Variants in PUS10 observed in about 807,000 individuals in gnomAD.
The protein encoded by PUS10 is pseudouridine synthase 10.
A neutral mutation model predicts 75.0 loss-of-function variants in PUS10; 59 were observed. The ratio of observed to expected loss-of-function variants is 0.79; its 90% CI spans 0.64 to 0.98. The LOEUF (loss-of-function observed/expected upper bound fraction) is 0.98, where lower values mean the gene tolerates loss of function less well. PUS10 is among the 50% of genes least tolerant of loss of function. The probability of loss-of-function intolerance (pLI) is 0.00; values close to 1 mark genes in which losing one functional copy is unlikely to be tolerated. For synonymous variants in PUS10, 219 were observed against 211.6 expected (o/e 1.03, Z -0.30); for missense variants, 650 against 614.4 (o/e 1.06, Z -0.61).
rs1273910083 is a variant in PUS10 at position 60,955,195 on chromosome 2, A to T, written c.1001-121T>A. ...ACAATCTATAGGAGAATCCCCAGGG[A>T]GAGTCATCATCCCACCTCTAATGTC... On this transcript the variant is annotated intron_variant, in intron 11 of 17. Coordinates refer to ENST00000316752, the MANE Select transcript of PUS10 (RefSeq NM_144709.4). 1.2e-5 allele frequency: 6 copies of T among 509,016 alleles called. No individual in the cohort carries two copies. In the East Asian group the frequency reaches 1.9e-4, roughly 16 times the overall value. The allele number at this position is 509,016 out of a possible 1,614,324, so 31.5% of individuals were successfully genotyped here. A position where few individuals can be genotyped will look rare whatever the true frequency, so the allele number is the denominator to read the frequency against.
intron 17 of PUS10, among the ~76,000 whole-genome samples, chr2:60,943,302 T>G (rs1039713141): frequency 1.3e-5 from 2 of 152,172 alleles, no homozygotes; most frequent in Admixed American, 1.3e-4. Context: ...GTAGAATTTC[T>G]GTTTCTTTAA....
At chr2:60,944,220 T>C (rs142886138) in intron 17 of PUS10, 1 of 985,156 alleles carries the variant, frequency 1.0e-6, no homozygotes, top group African/African-American at 1.7e-5. Flanking sequence ...CCCTGCAACC[T>C]TGAGGGCACG....
intron 11 of PUS10, among the ~76,000 whole-genome samples, chr2:60,957,538 T>A (rs1281053364): frequency 6.6e-6 from 1 of 152,240 alleles, no homozygotes; most frequent in Non-Finnish European, 1.5e-5. Context: ...TTATCCCAGA[T>A]AATCGGCAGA....
chr2:60,989,789 T>G (rs1677962758), intron 4 of PUS10, among the ~76,000 whole-genome samples: 1 of 152,102 alleles, frequency 6.6e-6, no homozygotes, highest in Non-Finnish European at 1.5e-5. Context: ...CGGCTAATTT[T>G]TAAAAATATA....
chr2:60,962,670 G>C (rs1358044323), intron 9 of PUS10, among the ~76,000 whole-genome samples, 156 bp downstream of exon 9: 1 of 152,088 alleles, frequency 6.6e-6, no homozygotes, highest in African/African-American at 2.4e-5. Flanking sequence ...ACATATGCCA[G>C]GTACTGCACC....
rs768407891 is a variant in PUS10 at position 60,962,860 on chromosome 2, C to T, written c.754G>A (p.Ala252Thr). ...SVFTRMAVMK[A>T]LNKIKEEDFL... ...TCCTCTTCCTTTATCTTATTCAAGG[C>T]TTTCATAACTGCCATTCTAGTGAAT... is the stretch of plus-strand genomic sequence containing the variant. The change falls in exon 9 of 18, where the codon GCC becomes ACC. Residue 252 changes from alanine to threonine, a missense_variant. By Grantham distance (58) the Ala-to-Thr change is moderately conservative. Coordinates refer to ENST00000316752, the MANE Select transcript of PUS10 (RefSeq NM_144709.4). 2 of 1,570,608 alleles carry T rather than the reference C, an allele frequency of 1.3e-6. No homozygotes were observed. Among genetic ancestry groups the T allele is most frequent in the Non-Finnish European group, 1.7e-6 (2 of 1,164,652 alleles).
At chr2:60,994,384 C>CAAA (rs35312310) in intron 4 of PUS10, among the ~76,000 whole-genome samples, 1 of 136,382 alleles carries the variant, frequency 7.3e-6, no homozygotes. Context: ...TTCCTCAGAG[C>CAAA]AAAAAAAAAA....
chr2:61,011,204 T>C (rs182169457), intron 2 of PUS10, among the ~76,000 whole-genome samples: 58 of 152,302 alleles, frequency 3.8e-4, no homozygotes, highest in African/African-American at 1.3e-3. Context: ...ACATATCTTA[T>C]GCAAAAAAGT....
At chr2:61,014,994 A>T (rs1362789391) in intron 1 of PUS10, among the ~76,000 whole-genome samples, 1 of 152,200 alleles carries the variant, frequency 6.6e-6, no homozygotes, top group Non-Finnish European at 1.5e-5. Context: ...TACTAAAAAC[A>T]GATTGCCTCT....
At chr2:60,945,238 G>A (rs1674870929) in intron 16 of PUS10, 130 bp from the exon 17 acceptor site, 1 of 584,712 alleles carries the variant, frequency 1.7e-6, no homozygotes. Context: ...TCTGACTTGT[G>A]TGTCTTAAAA....
intron 3 of PUS10, among the ~76,000 whole-genome samples, chr2:61,008,235 A>C (rs1679366857): frequency 6.6e-6 from 1 of 151,698 alleles, no homozygotes; most frequent in Admixed American, 6.6e-5. Flanking sequence ...AAAGATTAAA[A>C]AATTAGGGCT....
At chr2:60,946,676 A>T (rs370630473) in intron 16 of PUS10, among the ~76,000 whole-genome samples, 1 of 152,202 alleles carries the variant, frequency 6.6e-6, no homozygotes, top group East Asian at 1.9e-4. Flanking sequence ...GATAACCTAT[A>T]CTTGGCTTAG....
chr2:60,944,176 T>G (rs1055911132), intron 17 of PUS10: 6 of 977,428 alleles, frequency 6.1e-6, no homozygotes, highest in Non-Finnish European at 7.3e-6. Context: ...CAGAAGGTTT[T>G]CTTCCTCCAA....
At chr2:60,998,466 C>T (rs561584398) in intron 4 of PUS10, among the ~76,000 whole-genome samples, 4 of 152,126 alleles carry the variant, frequency 2.6e-5, no homozygotes, top group East Asian at 1.9e-4. Flanking sequence ...CCGAGGCGGA[C>T]GCATCACCTG....
At chr2:61,014,775 T>A (rs1436908107) in intron 1 of PUS10, among the ~76,000 whole-genome samples, 2 of 152,208 alleles carry the variant, frequency 1.3e-5, no homozygotes, top group Admixed American at 6.5e-5. Flanking sequence ...GCTTAAAATT[T>A]GTGGAAGGGT....
At chr2:60,977,668 T>C (rs1005618985) in intron 4 of PUS10, among the ~76,000 whole-genome samples, 5 of 152,148 alleles carry the variant, frequency 3.3e-5, no homozygotes, top group Admixed American at 6.5e-5. Flanking sequence ...TCCAGAAAAA[T>C]GAGAGAATGT....
chr2:60,953,856 G>A, intron 14 of PUS10, 77 bp downstream of exon 14: 1 of 1,045,502 alleles, frequency 9.6e-7, no homozygotes, highest in Non-Finnish European at 1.5e-6. Flanking sequence ...TATTCTGGAT[G>A]CAATTCCCTT....
intron 4 of PUS10, among the ~76,000 whole-genome samples, chr2:60,982,625 C>G (rs906104111): frequency 2.0e-5 from 3 of 152,040 alleles, no homozygotes; most frequent in African/African-American, 7.2e-5. Context: ...CCTTTATAAC[C>G]ATCTAATATC....
intron 5 of PUS10, among the ~76,000 whole-genome samples, chr2:60,968,342 C>G (rs1486132268): frequency 6.6e-6 from 1 of 152,118 alleles, no homozygotes; most frequent in Non-Finnish European, 1.5e-5. Flanking sequence ...CTCTACTCTG[C>G]TGAGAACACT....
Sources: gnomAD v4.1 joint callset for allele counts (sites outside exome capture counted in the v4.1 genomes callset) on GRCh38, gnomAD v4.1.1 for gene constraint, MANE v1.5 for transcripts, NCBI Gene and HGNC (gene_info 2026-07-23, HGNC 2026-07-21) for gene names.